The following TF variants were observed in gnomAD, a reference collection of about 807,000 sequenced individuals.
TF encodes the protein serotransferrin.
TF carries 55 observed loss-of-function variants against 82.4 expected under a neutral mutation model. That is an observed-to-expected ratio of 0.67 (90% CI 0.54 to 0.84). TF has a LOEUF of 0.84. TF is among the 40% of genes least tolerant of loss of function. The pLI is 0.00. For synonymous variants in TF, 332 were observed against 332.6 expected, an observed-to-expected ratio of 1.00 and a Z score of 0.02; for missense variants, 737 against 868.4, an observed-to-expected ratio of 0.85 and a Z score of 1.90.
intron 2 of TF, among the ~76,000 whole-genome samples, chr3:133,750,678 G>A (rs1198029315): frequency 6.6e-6 from 1 of 152,138 alleles, no homozygotes; most frequent in African/African-American, 2.4e-5. Context: ...AGGCACCAGT[G>A]ATTTCTTGGT....
chr3:133,778,719 C>CTTG lies in TF; in HGVS notation c.*99_*100insTTG. 3 of 1,255,044 alleles carry CTTG rather than the reference C, an allele frequency of 2.4e-6. No homozygotes were observed. Among genetic ancestry groups the CTTG allele is most frequent in the Non-Finnish European group, 3.5e-6 (3 of 867,390 alleles). The allele number at this position is 1,255,044 out of a possible 1,614,324, so 77.7% of individuals were successfully genotyped here. A position where few individuals can be genotyped will look rare whatever the true frequency, so the allele number is the denominator to read the frequency against. On this transcript the variant is annotated 3_prime_UTR_variant, in exon 17 of 17. Transcript: ENST00000402696. ...TGGCCCAAGTGGTTTGTGCTAACCA[C>CTTG]GTCTGTCTTCACAGCTCTGTGTTGC... is the stretch of plus-strand genomic sequence containing the variant.
the TF span, among the ~76,000 whole-genome samples, chr3:133,709,286 A>G: frequency 6.6e-6 from 1 of 152,188 alleles, no homozygotes; most frequent in Admixed American, 6.5e-5. Context: ...CACTAAGAAC[A>G]CAGCTGCAAG....
the TF span, chr3:133,662,312 C>T: frequency 6.6e-6 from 1 of 152,266 alleles, no homozygotes; most frequent in Non-Finnish European, 1.5e-5. Flanking sequence ...GTGGTAGTTC[C>T]ATTTTGTAGA....
At chr3:133,732,690 A>T in the TF span, among the ~76,000 whole-genome samples, 1 of 151,764 alleles carries the variant, frequency 6.6e-6, no homozygotes, top group Non-Finnish European at 1.5e-5. Context: ...GAAGGAAAAA[A>T]CTCCAGACAC....
intron 2 of TF, among the ~76,000 whole-genome samples, chr3:133,750,503 T>C (rs1026846609): frequency 1.3e-5 from 2 of 152,194 alleles, no homozygotes; most frequent in Admixed American, 6.5e-5. Context: ...TCCAGCCTTC[T>C]CTCTGTAGCT....
At chr3:133,674,181 A>G in the TF span, among the ~76,000 whole-genome samples, 1 of 152,148 alleles carries the variant, frequency 6.6e-6, no homozygotes, top group African/African-American at 2.4e-5. Flanking sequence ...CCGAATCCCT[A>G]AGCTTTTGTA....
chr3:133,680,496 C>T, the TF span, among the ~76,000 whole-genome samples: 3 of 151,928 alleles, frequency 2.0e-5, no homozygotes, highest in Non-Finnish European at 4.4e-5. Context: ...CACAGTATGG[C>T]ATCCAGCTAC....
At chr3:133,674,707 G>T in the TF span, among the ~76,000 whole-genome samples, 2 of 150,300 alleles carry the variant, frequency 1.3e-5, no homozygotes, top group African/African-American at 2.4e-5. Flanking sequence ...GGAGGCACTG[G>T]GTGCAAGCAG....
In TF at chr3:133,754,431, T is replaced by A. The variant is rs569967495; in HGVS notation, c.326-64T>A. ...CTCCCCTCCCTCCTCAAGAGTCCGG[T>A]GGTGATGAGCCATGTTTCCCTGCAC... On this transcript the variant is annotated intron_variant, in intron 3 of 16. Transcript: ENST00000402696. 21 of 1,541,552 alleles carry A rather than the reference T, an allele frequency of 1.4e-5. No homozygotes were observed. The African/African-American group carries it at 2.9e-4, about 21-fold the overall frequency.
the TF span, among the ~76,000 whole-genome samples, chr3:133,721,842 T>A: frequency 6.6e-6 from 1 of 152,196 alleles, no homozygotes. Context: ...CATCATCATA[T>A]AATGACCTTC....
At position 133,785,494 on chromosome 3, in the gene TF, T is replaced by TGG. The variant is rs1268950628; in HGVS notation, c.*6881_*6882dup. 2 of 63,450 alleles carry TGG rather than the reference T, an allele frequency of 3.2e-5. No individual in the cohort carries two copies. The highest frequency in any genetic ancestry group is 1.3e-4 in the African/African-American group (2 of 15,128). 3.9% of individuals were successfully genotyped at this position (63,450 alleles called of 1,614,324 possible). ...CCAGCCGCCCCGTCCGGGAGGGAGGTGGGGGGGGTCAGCCCCCCTGCCCGG... is the reference window on the plus strand; with the variant it reads ...CCAGCCGCCCCGTCCGGGAGGGAGGTGGGGGGGGGGTCAGCCCCCCTGCCCGG... On this transcript the variant is annotated 3_prime_UTR_variant, in exon 17 of 17. Transcript: ENST00000402696.
chr3:133,721,157 T>A, the TF span, among the ~76,000 whole-genome samples: 1 of 152,138 alleles, frequency 6.6e-6, no homozygotes, highest in Non-Finnish European at 1.5e-5. Context: ...TTGTTCTTGT[T>A]TTTCTAGTTC....
the TF span, among the ~76,000 whole-genome samples, chr3:133,724,594 AT>A: frequency 6.6e-6 from 1 of 152,072 alleles, no homozygotes; most frequent in African/African-American, 2.4e-5. Context: ...ATTTTCTCCC[AT>A]TTTGTAGGCT....
the TF span, chr3:133,699,379 A>T: frequency 1.2e-6 from 1 of 826,628 alleles, no homozygotes; most frequent in Admixed American, 1.9e-5. Flanking sequence ...GGTGAGGGGC[A>T]TGGGTCATCC....
At chr3:133,673,761 G>A in the TF span, among the ~76,000 whole-genome samples, 220 of 152,288 alleles carry the variant, frequency 1.4e-3, 3 homozygotes, top group South Asian at 0.017. Context: ...GGTTATGTGG[G>A]TGTGTTCATT....
intron 2 of TF, among the ~76,000 whole-genome samples, chr3:133,752,355 C>T (rs1017503334): frequency 6.6e-6 from 1 of 152,084 alleles, no homozygotes; most frequent in African/African-American, 2.4e-5. Context: ...GCCTAGGCTT[C>T]CCAAAGTGCT....
chr3:133,741,084 C>A (rs1216263231), upstream of TF, among the ~76,000 whole-genome samples: 1 of 150,132 alleles, frequency 6.7e-6, no homozygotes, highest in East Asian at 2.0e-4. Context: ...CTCTGCCTCC[C>A]AGATTCAAGC....
chr3:133,759,537 T>G (rs1933931097), intron 9 of TF, among the ~76,000 whole-genome samples: 1 of 152,150 alleles, frequency 6.6e-6, no homozygotes, highest in Non-Finnish European at 1.5e-5. Context: ...GTTTCCTCCT[T>G]GTATGAGTGT....
chr3:133,695,686 AT>A, the TF span, among the ~76,000 whole-genome samples: 3 of 152,178 alleles, frequency 2.0e-5, no homozygotes, highest in Non-Finnish European at 4.4e-5. Context: ...TTTTACAGTA[AT>A]TCCCCCTTAT....
Sources: allele counts gnomAD v4.1 joint callset (sites outside exome capture counted in the v4.1 genomes callset), GRCh38; gene constraint gnomAD v4.1.1; transcripts MANE v1.5; gene names NCBI Gene and HGNC (gene_info 2026-07-23, HGNC 2026-07-21).